The following TPH2 variants were observed in gnomAD, a reference collection of about 807,000 sequenced individuals.
TPH2 encodes tryptophan hydroxylase 2, also known as tryptophan 5-hydroxylase 2.
Under a neutral mutation model 59.1 loss-of-function variants are expected in TPH2, and 27 were observed. That is an observed-to-expected ratio of 0.46 (90% confidence interval 0.34 to 0.63). The LOEUF is 0.63. TPH2 is among the 30% of genes least tolerant of loss of function. The pLI is 0.01. For synonymous variants in TPH2, 220 were observed against 210.5 expected (o/e 1.05, Z -0.39); for missense variants, 523 against 588.3 (o/e 0.89, Z 1.15).
At chr12:72,025,035 C>T (rs1873529309) in intron 9 of TPH2, among the ~76,000 whole-genome samples, 2 of 152,126 alleles carry the variant, frequency 1.3e-5, no homozygotes, top group South Asian at 4.1e-4. Flanking sequence ...TCTTCCCCCA[C>T]ATTCTCCTTG....
At chr12:72,018,575 G>A (rs563722723) in intron 8 of TPH2, among the ~76,000 whole-genome samples, 2 of 152,200 alleles carry the variant, frequency 1.3e-5, no homozygotes, top group Admixed American at 1.3e-4. Flanking sequence ...TGCTTAATAG[G>A]CTGACCCAAA....
intron 8 of TPH2, among the ~76,000 whole-genome samples, chr12:72,020,784 G>C (rs1024107845): frequency 6.6e-6 from 1 of 152,228 alleles, no homozygotes; most frequent in Non-Finnish European, 1.5e-5. Context: ...ACCACGCCCA[G>C]TCTAGGGCTG....
At chr12:72,007,503 C>T (rs1344098865) in intron 8 of TPH2, among the ~76,000 whole-genome samples, 2 of 152,086 alleles carry the variant, frequency 1.3e-5, no homozygotes, top group African/African-American at 4.8e-5. Flanking sequence ...GCCAGGTGTT[C>T]GCAGTTTGGA....
intron 5 of TPH2, among the ~76,000 whole-genome samples, chr12:71,957,219 A>G (rs984145134): frequency 6.6e-6 from 1 of 152,004 alleles, no homozygotes; most frequent in African/African-American, 2.4e-5. Context: ...TGGCACAAGG[A>G]GATATTAAAT....
intron 7 of TPH2, among the ~76,000 whole-genome samples, chr12:71,987,961 AT>A (rs1333938880): frequency 6.6e-6 from 1 of 152,232 alleles, no homozygotes; most frequent in Non-Finnish European, 1.5e-5. Context: ...GGTTATCTAC[AT>A]TTATTAATTA....
chr12:71,975,357 T>G (rs939848951), intron 6 of TPH2, among the ~76,000 whole-genome samples: 1 of 151,962 alleles, frequency 6.6e-6, no homozygotes, highest in African/African-American at 2.4e-5. Flanking sequence ...AACAAACAAA[T>G]GAACAAACAA....
intron 7 of TPH2, among the ~76,000 whole-genome samples, chr12:71,987,981 T>A (rs1872486847): frequency 6.6e-6 from 1 of 152,210 alleles, no homozygotes; most frequent in Admixed American, 6.5e-5. Flanking sequence ...TAAAATTAAA[T>A]AAAAGTACAC....
At chr12:71,958,720 C>G (rs1056658666) in intron 5 of TPH2, among the ~76,000 whole-genome samples, 1 of 152,234 alleles carries the variant, frequency 6.6e-6, no homozygotes, top group African/African-American at 2.4e-5. Flanking sequence ...ATAAACACAG[C>G]TGGGCTGAGG....
chr12:71,984,273 C>A (rs1202812379), intron 7 of TPH2, among the ~76,000 whole-genome samples: 3 of 152,128 alleles, frequency 2.0e-5, no homozygotes, highest in African/African-American at 7.2e-5. Context: ...ATAATTGCCG[C>A]TGTTTAATTT....
At chr12:72,004,472 T>A (rs1872901454) in intron 8 of TPH2, among the ~76,000 whole-genome samples, 1 of 138,988 alleles carries the variant, frequency 7.2e-6, no homozygotes, top group Admixed American at 7.9e-5. Flanking sequence ...TTTAAAGTCA[T>A]TTTAAGTCCC....
intron 5 of TPH2, chr12:71,961,972 C>T (rs750430106): frequency 9.1e-5 from 95 of 1,038,268 alleles, no homozygotes; most frequent in Non-Finnish European, 1.0e-4. Flanking sequence ...CCTTAAGGCC[C>T]GTAGACTCAT....
At chr12:72,001,583 AAT>A (rs1315005595) in intron 8 of TPH2, among the ~76,000 whole-genome samples, 1 of 151,826 alleles carries the variant, frequency 6.6e-6, no homozygotes, top group Non-Finnish European at 1.5e-5. Context: ...GTGCCCGGCT[AAT>A]TTTTGTATTT....
At chr12:72,000,132 T>C (rs998599782) in intron 8 of TPH2, among the ~76,000 whole-genome samples, 3 of 152,210 alleles carry the variant, frequency 2.0e-5, no homozygotes, top group African/African-American at 7.2e-5. Context: ...ATGGTAAATC[T>C]AGTTCAAAGA....
Position 71,941,682 on chromosome 12 carries a change from C to G in TPH2, c.204C>G (p.Phe68Leu), listed in dbSNP as rs1393293419. Residue 68 changes from phenylalanine (F) to leucine (L), a missense_variant, in exon 2 of 11, where the codon TTC (phenylalanine) becomes TTG (leucine). Coordinates refer to ENST00000333850, the MANE Select transcript of TPH2 (RefSeq NM_173353.4). ...ATESGKTAVV[F>L]SLKNEVGGLV... ...AAAGTGGCAAGACAGCAGTTGTTTT[C>G]TCCTTGAAGAATGAAGTTGGTGGAT... The G allele has an allele frequency of 6.2e-7, 1 of 1,614,106 alleles. No individual in the cohort carries two copies. The highest frequency in any genetic ancestry group is 8.5e-7 in the Non-Finnish European group (1 of 1,179,978).
chr12:72,016,977 A>AG (rs774374846), intron 8 of TPH2, among the ~76,000 whole-genome samples: 1 of 152,192 alleles, frequency 6.6e-6, no homozygotes, highest in Non-Finnish European at 1.5e-5. Flanking sequence ...GCCCTTCAGT[A>AG]GGGAAATGGG....
intron 9 of TPH2, among the ~76,000 whole-genome samples, chr12:72,030,590 TA>T (rs1186412118): frequency 6.6e-6 from 1 of 152,204 alleles, no homozygotes; most frequent in Non-Finnish European, 1.5e-5. Flanking sequence ...CCTGTTTTTC[TA>T]ATACCTGCTC....
chr12:72,015,315 G>GTTTTT (rs869231666), intron 8 of TPH2, among the ~76,000 whole-genome samples: 174 of 98,950 alleles, frequency 1.8e-3, no homozygotes, highest in Non-Finnish European at 2.3e-3. Flanking sequence ...TTTTTTGGTT[G>GTTTTT]TTTTTTTTTT....
chr12:71,953,812 T>C (rs1871419255), intron 5 of TPH2, among the ~76,000 whole-genome samples: 2 of 152,124 alleles, frequency 1.3e-5, no homozygotes, highest in Admixed American at 1.3e-4. Flanking sequence ...CAATTCCCTG[T>C]TGATAATTAG....
intron 9 of TPH2, among the ~76,000 whole-genome samples, chr12:72,024,219 T>C (rs1456812963): frequency 6.6e-6 from 1 of 152,190 alleles, no homozygotes; most frequent in African/African-American, 2.4e-5. Flanking sequence ...TGAGAAGCCT[T>C]CCTGTCAAGG....
Sources: allele counts gnomAD v4.1 joint callset (sites outside exome capture counted in the v4.1 genomes callset), GRCh38; gene constraint gnomAD v4.1.1; transcripts MANE v1.5; gene names NCBI Gene and HGNC (gene_info 2026-07-23, HGNC 2026-07-21).